GRM8: variants seen among roughly 807,000 people sequenced by gnomAD.
The protein encoded by GRM8 is metabotropic glutamate receptor 8.
A neutral mutation model predicts 87.2 loss-of-function variants in GRM8; 47 were observed. The ratio of observed to expected loss-of-function variants is 0.54; its 90% CI spans 0.43 to 0.69. The LOEUF is 0.69. Ranked by LOEUF, GRM8 falls within the 30% of genes least tolerant of loss-of-function variation. GRM8 has a pLI of 0.00. For missense variants in GRM8, 1,019 were observed against 1,139.2 expected, an observed-to-expected ratio of 0.89 and a Z score of 1.52; for synonymous variants, 396 against 404.5, an observed-to-expected ratio of 0.98 and a Z score of 0.25.
At chr7:127,034,223 C>G (rs976061517) in intron 3 of GRM8, among the ~76,000 whole-genome samples, 1 of 152,144 alleles carries the variant, frequency 6.6e-6, no homozygotes, top group African/African-American at 2.4e-5. Context: ...TGCAGAAAAG[C>G]CTTAATTGTC....
intron 6 of GRM8, among the ~76,000 whole-genome samples, chr7:126,899,990 C>T (rs1441934373): frequency 6.6e-6 from 1 of 152,114 alleles, no homozygotes; most frequent in African/African-American, 2.4e-5. Flanking sequence ...ACTGAGACAA[C>T]CTTGACTCCC....
At chr7:126,709,943 CACTT>C (rs1179817771) in intron 7 of GRM8, among the ~76,000 whole-genome samples, 2 of 152,146 alleles carry the variant, frequency 1.3e-5, no homozygotes, top group African/African-American at 4.8e-5. Context: ...ATTATGTTCT[CACTT>C]ACACAGGCAT....
Position 126,438,851 on chromosome 7 carries a change from T to C in GRM8, c.*268A>G. On this transcript the variant is annotated 3_prime_UTR_variant, in exon 11 of 11. Transcript: ENST00000339582. ...AGCATTTTTTTTCACGAGCTAACATTAGTTTTCCTTTTGTGATTTGTTTTA... is the reference window on the plus strand; with the variant it reads ...AGCATTTTTTTTCACGAGCTAACATCAGTTTTCCTTTTGTGATTTGTTTTA... The C allele has an allele frequency of 2.9e-6, 1 of 345,998 alleles. No homozygotes were observed. The highest frequency in any genetic ancestry group is 5.3e-6 in the Non-Finnish European group (1 of 189,934). The allele number at this position is 345,998 out of a possible 1,614,324, so 21.4% of individuals were successfully genotyped here. A position where few individuals can be genotyped will look rare whatever the true frequency, so the allele number is the denominator to read the frequency against.
chr7:126,720,197 G>A (rs190653186), intron 7 of GRM8, among the ~76,000 whole-genome samples: 45 of 150,298 alleles, frequency 3.0e-4, no homozygotes, highest in East Asian at 3.9e-4. Context: ...CACCCAGACC[G>A]GAGTACAGTG....
chr7:127,168,887 A>T (rs1040781916), intron 2 of GRM8, among the ~76,000 whole-genome samples: 8 of 152,054 alleles, frequency 5.3e-5, no homozygotes, highest in Non-Finnish European at 1.0e-4. Flanking sequence ...GAGGGATAGC[A>T]TTAGGAGAAA....
At chr7:126,865,446 G>A (rs181435779) in intron 6 of GRM8, among the ~76,000 whole-genome samples, 5 of 152,240 alleles carry the variant, frequency 3.3e-5, no homozygotes, top group Admixed American at 6.5e-5. Context: ...CACAATTCAC[G>A]CATTTAAAAT....
At chr7:126,589,168 G>C (rs1035436185) in intron 8 of GRM8, among the ~76,000 whole-genome samples, 3 of 152,214 alleles carry the variant, frequency 2.0e-5, no homozygotes, top group Admixed American at 6.5e-5. Flanking sequence ...AGGCAGGCAA[G>C]GAGGTATGAA....
rs568574016 is a variant in GRM8, at chr7:126,608,071, AG to A, written c.1494+1290del. 3.0e-4 allele frequency among the ~76,000 whole-genome samples: 46 copies of A among 152,064 alleles called. No homozygotes were observed. The South Asian group carries it at 9.6e-3, about 32-fold the overall frequency. On this transcript the variant is annotated intron_variant, in intron 8 of 10. Coordinates refer to ENST00000339582, the MANE Select transcript of GRM8 (RefSeq NM_000845.3). ...GCCAGTGTGCACTAATATGGGGCAA[AG>A]GGCTGTTAAAATGTGAAATAATTCT...
chr7:126,957,337 T>C lies in GRM8; in HGVS notation c.728-52654A>G, dbSNP rs1250257057. Among the ~76,000 whole-genome samples, 3 of 152,200 alleles carry C rather than the reference T, an allele frequency of 2.0e-5. No individual in the cohort carries two copies. The East Asian group carries it at 5.8e-4, about 29-fold the overall frequency. On this transcript the variant is annotated intron_variant, in intron 3 of 10. Transcript: ENST00000339582. ...AGCAGCAGCCTGTCTGGAGCAGCTG[T>C]GGCAGGGACACCAGCTGAGTGGGGA...
intron 2 of GRM8, among the ~76,000 whole-genome samples, chr7:127,140,053 T>A (rs11563708): frequency 0.16 from 24,384 of 152,144 alleles, 2,268 homozygotes; most frequent in Non-Finnish European, 0.21. Flanking sequence ...AGTCAAGTCA[T>A]GTTTTGCCAA....
chr7:126,796,758 A>G (rs1821992894), intron 6 of GRM8, among the ~76,000 whole-genome samples: 1 of 152,062 alleles, frequency 6.6e-6, no homozygotes, highest in Non-Finnish European at 1.5e-5. Context: ...GCACCCTCCA[A>G]AAAGAAGAGC....
chr7:126,983,880 G>T (rs528210614), intron 3 of GRM8, among the ~76,000 whole-genome samples: 1 of 152,300 alleles, frequency 6.6e-6, no homozygotes, highest in Admixed American at 6.5e-5. Flanking sequence ...GAATGGGTAG[G>T]AGAAGAGTGT....
rs190137194 is a variant in GRM8, at chr7:126,727,220, A to G, written c.1357+42645T>C. Among the ~76,000 whole-genome samples the G allele has an allele frequency of 5.2e-3, 784 of 152,052 alleles. 6 individuals are homozygous for G. Among genetic ancestry groups the G allele is most frequent in the Middle Eastern group, 0.034 (10 of 294 alleles). ...TAGGTTCAACAAGACTGCATTTAGAATATTCTATATAATTCTGTGGGTTGG... is the reference window on the plus strand; with the variant it reads ...TAGGTTCAACAAGACTGCATTTAGAGTATTCTATATAATTCTGTGGGTTGG... On this transcript the variant is annotated intron_variant, in intron 7 of 10. Transcript: ENST00000339582.
intron 2 of GRM8, among the ~76,000 whole-genome samples, chr7:127,199,226 G>A (rs940319985): frequency 1.3e-5 from 2 of 152,164 alleles, no homozygotes; most frequent in African/African-American, 2.4e-5. Flanking sequence ...CTCCCAAAGT[G>A]CAGGTGTTAC....
intron 6 of GRM8, among the ~76,000 whole-genome samples, chr7:126,828,142 A>C (rs1007116049): frequency 6.6e-6 from 1 of 151,858 alleles, no homozygotes; most frequent in African/African-American, 2.4e-5. Context: ...TTTTGCATCA[A>C]TGTTCATCAA....
intron 8 of GRM8, among the ~76,000 whole-genome samples, chr7:126,576,476 T>C (rs1478355603): frequency 1.3e-5 from 2 of 152,058 alleles, no homozygotes; most frequent in Non-Finnish European, 2.9e-5. Flanking sequence ...AGAGACAGGG[T>C]TTCACCATGT....
At chr7:126,933,514 A>G (rs1211914793) in intron 3 of GRM8, among the ~76,000 whole-genome samples, 2 of 152,148 alleles carry the variant, frequency 1.3e-5, no homozygotes, top group Admixed American at 6.5e-5. Context: ...ACCAATCCCA[A>G]TTAAATTCTC....
intron 3 of GRM8, among the ~76,000 whole-genome samples, chr7:127,011,144 A>G (rs1047187012): frequency 6.6e-6 from 1 of 152,120 alleles, no homozygotes; most frequent in Non-Finnish European, 1.5e-5. Flanking sequence ...ATCAGATTCT[A>G]TGAAACTCAA....
chr7:126,711,196 A>G (rs1811064013), intron 7 of GRM8, among the ~76,000 whole-genome samples: 1 of 152,288 alleles, frequency 6.6e-6, no homozygotes, highest in Middle Eastern at 3.4e-3. Flanking sequence ...AAAATAAAAT[A>G]TATTTCTTAA....
Sources: gnomAD v4.1 joint callset for allele counts (sites outside exome capture counted in the v4.1 genomes callset) on GRCh38, gnomAD v4.1.1 for gene constraint, MANE v1.5 for transcripts, NCBI Gene and HGNC (gene_info 2026-07-23, HGNC 2026-07-21) for gene names.